The following NEDD4L variants were observed in gnomAD, a reference collection of about 807,000 sequenced individuals.
NEDD4L encodes the protein NEDD4 like E3 ubiquitin protein ligase, also known as E3 ubiquitin-protein ligase NEDD4-like.
Under a neutral mutation model 148.9 loss-of-function variants are expected in NEDD4L, and 54 were observed. That is an observed-to-expected ratio of 0.36 (90% confidence interval 0.29 to 0.45). NEDD4L has a LOEUF of 0.45. Ranked by LOEUF, NEDD4L falls within the 20% of genes least tolerant of loss-of-function variation. NEDD4L has a pLI of 1.00. For missense variants in NEDD4L, 856 were observed against 1,233.8 expected, an observed-to-expected ratio of 0.69 and a Z score of 4.59; for synonymous variants, 433 against 440.7, an observed-to-expected ratio of 0.98 and a Z score of 0.22.
chr18:58,234,326 C>A (rs1433994761), intron 2 of NEDD4L, among the ~76,000 whole-genome samples: 1 of 119,654 alleles, frequency 8.4e-6, no homozygotes, highest in East Asian at 2.9e-4. Flanking sequence ...CTCCCTCCTT[C>A]TCTCCCTCCC....
intron 1 of NEDD4L, among the ~76,000 whole-genome samples, chr18:58,126,979 C>G (rs914460216): frequency 6.6e-6 from 1 of 152,212 alleles, no homozygotes; most frequent in African/African-American, 2.4e-5. Context: ...CCTTGCGATT[C>G]TCTCTCTGGG....
chr18:58,051,644 C>G (rs534911397), intron 1 of NEDD4L, among the ~76,000 whole-genome samples: 1 of 152,248 alleles, frequency 6.6e-6, no homozygotes, highest in South Asian at 2.1e-4. Context: ...AATTTCCAGT[C>G]TTAGATGAGT....
At chr18:58,124,552 A>T (rs531334335) in intron 1 of NEDD4L, among the ~76,000 whole-genome samples, 2 of 152,018 alleles carry the variant, frequency 1.3e-5, no homozygotes, top group African/African-American at 2.4e-5. Context: ...CAGCCTCCTC[A>T]CCTCTGTGCT....
chr18:58,045,251 C>T (rs1440096835), intron 1 of NEDD4L: 1 of 397,298 alleles, frequency 2.5e-6, no homozygotes, highest in Non-Finnish European at 4.4e-6. Flanking sequence ...GTGTGTCCCT[C>T]CCCTCGTTTT....
At chr18:58,108,356 T>C (rs375798517) in intron 1 of NEDD4L, among the ~76,000 whole-genome samples, 1 of 152,226 alleles carries the variant, frequency 6.6e-6, no homozygotes, top group East Asian at 1.9e-4. Flanking sequence ...AGGAACATCA[T>C]GAAAATATTT....
chr18:58,229,968 G>A (rs964252297), intron 2 of NEDD4L, among the ~76,000 whole-genome samples: 13 of 152,056 alleles, frequency 8.5e-5, no homozygotes, highest in African/African-American at 1.9e-4. Flanking sequence ...CAGCCTGGGC[G>A]ACAGAGTGAG....
chr18:58,280,301 C>T (rs1220310784), intron 5 of NEDD4L, among the ~76,000 whole-genome samples: 1 of 152,150 alleles, frequency 6.6e-6, no homozygotes, highest in Non-Finnish European at 1.5e-5. Flanking sequence ...CTGTCTGGCC[C>T]CATGCCACTG....
chr18:58,282,767 A>G (rs1045001233), intron 5 of NEDD4L, among the ~76,000 whole-genome samples: 12 of 152,238 alleles, frequency 7.9e-5, no homozygotes, highest in Non-Finnish European at 1.0e-4. Context: ...TATAGAAAAA[A>G]GAAAAACCTA....
intron 1 of NEDD4L, among the ~76,000 whole-genome samples, chr18:58,101,455 T>C (rs903152508): frequency 2.6e-5 from 4 of 152,164 alleles, no homozygotes; most frequent in African/African-American, 9.7e-5. Flanking sequence ...ATTTGGTGTC[T>C]GGAGTGCCTG....
chr18:58,256,856 C>T lies in NEDD4L; in HGVS notation c.297+4802C>T. 8.6e-7 allele frequency: 1 copy of T among 1,167,134 alleles called. No individual in the cohort carries two copies. Among genetic ancestry groups the T allele is most frequent in the Non-Finnish European group, 1.1e-6 (1 of 929,470 alleles). The allele number at this position is 1,167,134 out of a possible 1,614,324, so 72.3% of individuals were successfully genotyped here. A position where few individuals can be genotyped will look rare whatever the true frequency, so the allele number is the denominator to read the frequency against. On this transcript the variant is annotated intron_variant, in intron 5 of 30. Transcript: ENST00000400345. The surrounding 1 kb of genome is among the most constrained non-coding windows in gnomAD (Gnocchi z 5.2). ...GCGGCGTAACCAAAATAAAACCTCA[C>T]CCTCTGTTCCGGGAGTTTCCCTGCT...
At chr18:58,173,627 G>A (rs1599355135) in intron 2 of NEDD4L, among the ~76,000 whole-genome samples, 1 of 152,212 alleles carries the variant, frequency 6.6e-6, no homozygotes, top group East Asian at 1.9e-4. Context: ...GCATTTTGCT[G>A]TATTTGCTCC....
intron 27 of NEDD4L, 123 bp from the exon 28 acceptor site, chr18:58,388,962 T>G: frequency 1.3e-6 from 1 of 751,756 alleles, no homozygotes; most frequent in Admixed American, 2.0e-5. Context: ...TCTGTTGTTA[T>G]GATTTGCTAG....
At chr18:58,148,445 C>T (rs748140072) in intron 1 of NEDD4L, among the ~76,000 whole-genome samples, 38 of 152,314 alleles carry the variant, frequency 2.5e-4, no homozygotes, top group Non-Finnish European at 2.6e-4. Context: ...GGATTACAGA[C>T]GTGAGCCACT....
chr18:58,076,652 C>T (rs1379528352), intron 1 of NEDD4L, among the ~76,000 whole-genome samples: 2 of 152,066 alleles, frequency 1.3e-5, no homozygotes, highest in Non-Finnish European at 2.9e-5. Context: ...CTGTGTCTTT[C>T]AGCGGGCGGG....
chr18:58,319,945 ACTGCCC>A (rs1472340563), intron 6 of NEDD4L, among the ~76,000 whole-genome samples: 1 of 152,192 alleles, frequency 6.6e-6, no homozygotes, highest in African/African-American at 2.4e-5. Context: ...AGTTATGGTT[ACTGCCC>A]CATTTTATAG....
rs1279176846 is a variant in NEDD4L at position 58,383,332 on chromosome 18, A to G, written c.2426+13A>G. 2.9e-6 allele frequency: 4 copies of G among 1,393,778 alleles called. No individual in the cohort carries two copies. The highest frequency in any genetic ancestry group is 4.0e-6 in the Non-Finnish European group (4 of 1,006,184). 86.3% of individuals were successfully genotyped at this position (1,393,778 alleles called of 1,614,324 possible). On this transcript the variant is annotated intron_variant, in intron 25 of 30. Transcript: ENST00000400345. ...GGGAATATATCGAGTATGTATACAC[A>G]TATTTACTGCCTTTTCTTTGAATAA...
rs546805530 is a variant in NEDD4L at position 58,331,900 on chromosome 18, A to G, written c.990+986A>G. On this transcript the variant is annotated intron_variant, in intron 11 of 30. Coordinates refer to ENST00000400345, the MANE Select transcript of NEDD4L (RefSeq NM_001144967.3). ...TATACGCCTCTATTACATGAGTTGCATTTATCATTCAGTTAATGTGATTTC... is the reference window on the plus strand; with the variant it reads ...TATACGCCTCTATTACATGAGTTGCGTTTATCATTCAGTTAATGTGATTTC... Among the ~76,000 whole-genome samples, 7 of 152,350 alleles carry G rather than the reference A, an allele frequency of 4.6e-5. No homozygotes were observed. In the South Asian group the frequency reaches 8.3e-4, roughly 18 times the overall value.
intron 2 of NEDD4L, among the ~76,000 whole-genome samples, chr18:58,171,965 CTACTT>C (rs1380121868): frequency 1.3e-5 from 2 of 152,174 alleles, no homozygotes; most frequent in African/African-American, 4.8e-5. Context: ...TGCAGAATGA[CTACTT>C]TATACCGTAC....
At chr18:58,321,046 T>C (rs1234977774) in intron 6 of NEDD4L, among the ~76,000 whole-genome samples, 1 of 152,234 alleles carries the variant, frequency 6.6e-6, no homozygotes, top group East Asian at 1.9e-4. Flanking sequence ...ACAGATCAGA[T>C]GAATTGAGTG....
Sources: gnomAD v4.1 joint callset for allele counts (sites outside exome capture counted in the v4.1 genomes callset) on GRCh38, gnomAD v4.1.1 for gene constraint, Gnocchi (gnomAD v3.1) non-coding constraint, MANE v1.5 for transcripts, NCBI Gene and HGNC (gene_info 2026-07-23, HGNC 2026-07-21) for gene names.